Variants in PIPOX observed in about 807,000 individuals in gnomAD.
PIPOX encodes peroxisomal sarcosine oxidase.
Under a neutral mutation model 47.9 loss-of-function variants are expected in PIPOX, and 45 were observed. That is an observed-to-expected ratio of 0.94 (90% CI 0.74 to 1.20). The LOEUF is 1.20. Ranked by LOEUF, PIPOX falls within the 50% of genes most tolerant of loss-of-function variation. PIPOX has a pLI of 0.00. For missense variants in PIPOX, 458 were observed against 498.4 expected (o/e 0.92, Z 0.77); for synonymous variants, 165 against 191.3 (o/e 0.86, Z 1.13).
chr17:29,054,182 CAATAA>C (rs368162265), intron 4 of PIPOX, among the ~76,000 whole-genome samples: 19 of 151,582 alleles, frequency 1.3e-4, no homozygotes, highest in African/African-American at 3.4e-4. Context: ...GACCCTGTCT[CAATAA>C]AATAAAATAA....
intron 3 of PIPOX, 34 bp from the exon 4 acceptor site, chr17:29,053,379 A>T (rs1328795147): frequency 1.0e-5 from 16 of 1,589,496 alleles, no homozygotes; most frequent in Non-Finnish European, 1.4e-5. Context: ...CACATACAGA[A>T]CTAATTCACC....
At position 29,052,881 on chromosome 17, in the gene PIPOX, T is replaced by C. The variant is rs189020520; in HGVS notation, c.264-39T>C. The C allele has an allele frequency of 5.0e-5, 79 of 1,589,422 alleles. 2 individuals carry two copies. In the African/African-American group the frequency reaches 7.1e-4, roughly 14 times the overall value. The stretch of plus-strand genomic sequence containing the variant: ...AGTCGTCACATCAGGCCCAGGATTT[T>C]GAAACACACCTTCACCTAGGTGACT... On this transcript the variant is annotated intron_variant, in intron 2 of 7. Coordinates refer to ENST00000323372, the MANE Select transcript of PIPOX (RefSeq NM_016518.3).
At chr17:29,054,892 T>G (rs1003223783) in intron 5 of PIPOX, among the ~76,000 whole-genome samples, 171 bp from the exon 6 acceptor site, 2 of 152,104 alleles carry the variant, frequency 1.3e-5, no homozygotes, top group African/African-American at 4.8e-5. Context: ...CATAGGGTGG[T>G]TGCAGGGACC....
Position 29,055,143 on chromosome 17 carries a change from G to A in PIPOX, c.888G>A (p.Gln296=). Residue 296 remains glutamine, a synonymous_variant, in exon 6 of 8, where the codon CAG becomes CAA. Transcript: ENST00000323372. The part of the protein sequence containing the change: ...PTARTDIGDV[Q]ILSSFVRDHL... ...CACGCACAGACATCGGAGACGTCCA[G>A]ATCCTGAGCAGCTTTGTCAGAGATC... is the stretch of plus-strand genomic sequence containing the variant. 6.2e-7 allele frequency: 1 copy of A among 1,614,172 alleles called. No individual in the cohort carries two copies. Among genetic ancestry groups the A allele is most frequent in the South Asian group, 1.1e-5 (1 of 91,078 alleles).
intron 7 of PIPOX, 22 bp from the exon 8 acceptor site, chr17:29,056,153 G>A: frequency 6.2e-7 from 1 of 1,613,926 alleles, no homozygotes; most frequent in Non-Finnish European, 8.5e-7. Context: ...AGCTGCCTGA[G>A]AGTCTGCTCT....
intron 2 of PIPOX, among the ~76,000 whole-genome samples, chr17:29,051,011 A>G (rs2065804031): frequency 6.6e-6 from 1 of 150,886 alleles, no homozygotes; most frequent in African/African-American, 2.4e-5. Context: ...AATCTCAGCT[A>G]CTCCAGAGGC....
chr17:29,055,654 T>A (rs1384296502), intron 6 of PIPOX, among the ~76,000 whole-genome samples, 159 bp from the exon 7 acceptor site: 1 of 152,254 alleles, frequency 6.6e-6, no homozygotes, highest in Non-Finnish European at 1.5e-5. Context: ...TGAAAAAGAC[T>A]GGCACACCCA....
chr17:29,052,624 A>G (rs1197835377), intron 2 of PIPOX, among the ~76,000 whole-genome samples: 1 of 152,236 alleles, frequency 6.6e-6, no homozygotes, highest in Non-Finnish European at 1.5e-5. Flanking sequence ...CAGTGGTGCA[A>G]TCATGGCTCA....
At chr17:29,046,737 C>T (rs1401928834) in intron 2 of PIPOX, 1 of 985,428 alleles carries the variant, frequency 1.0e-6, no homozygotes, top group Non-Finnish European at 1.2e-6. Flanking sequence ...CACAATCCTC[C>T]TCTTTGCCAG....
intron 2 of PIPOX, among the ~76,000 whole-genome samples, chr17:29,048,474 G>A (rs191019721): frequency 7.9e-4 from 121 of 152,358 alleles, no homozygotes; most frequent in African/African-American, 2.6e-3. Flanking sequence ...TCTGGGAACA[G>A]ACAATGACAC....
chr17:29,056,089 C>T, intron 7 of PIPOX, 86 bp from the exon 8 acceptor site: 1 of 1,543,762 alleles, frequency 6.5e-7, no homozygotes. Flanking sequence ...GGAGGACAGT[C>T]AGCCCTGTCT....
Position 29,056,336 on chromosome 17 carries a change from A to T in PIPOX, c.*31A>T. 6.2e-7 allele frequency: 1 copy of T among 1,613,654 alleles called. No individual in the cohort carries two copies. Among genetic ancestry groups the T allele is most frequent in the Non-Finnish European group, 8.5e-7 (1 of 1,179,724 alleles). On this transcript the variant is annotated 3_prime_UTR_variant, in exon 8 of 8. Coordinates refer to ENST00000323372, the MANE Select transcript of PIPOX (RefSeq NM_016518.3). ...GGCCAGAAGCCTCCCTTCTGTGCAC[A>T]GGAGCCAGTTTCACAGATGGAGAAG...
chr17:29,054,182 C>CAATAAAATAA (rs368162265), intron 4 of PIPOX, among the ~76,000 whole-genome samples: 35 of 151,584 alleles, frequency 2.3e-4, no homozygotes, highest in African/African-American at 8.0e-4. Flanking sequence ...GACCCTGTCT[C>CAATAAAATAA]AATAAAATAA....
intron 2 of PIPOX, among the ~76,000 whole-genome samples, chr17:29,048,435 A>G (rs1387959680): frequency 6.6e-6 from 1 of 152,246 alleles, no homozygotes. Flanking sequence ...CATACTAAAC[A>G]TGGGTGGGTT....
chr17:29,047,876 A>G (rs1447944570), intron 2 of PIPOX, among the ~76,000 whole-genome samples: 1 of 152,210 alleles, frequency 6.6e-6, no homozygotes, highest in Non-Finnish European at 1.5e-5. Flanking sequence ...ATCCCAGGTC[A>G]AAAGACTGCT....
chr17:29,056,099 T>G, intron 7 of PIPOX, 76 bp from the exon 8 acceptor site: 1 of 1,576,434 alleles, frequency 6.3e-7, no homozygotes, highest in Middle Eastern at 2.0e-4. Flanking sequence ...CAGCCCTGTC[T>G]GGGTAAGTAG....
rs143566431 is a variant in PIPOX at position 29,055,860 on chromosome 17, C to T, written c.1014C>T (p.Asp338=). The change falls in exon 7 of 8, where the codon GAC becomes GAT. Residue 338 remains aspartate (D), a synonymous_variant. Transcript: ENST00000323372. ...TTCTCGATCGCCACCCAAAGTATGA[C>T]AACATTGTCATTGGTGCTGGATTCT... The part of the protein sequence containing the change: ...QFILDRHPKY[D]NIVIGAGFSG... 1.6e-3 allele frequency: 2,594 copies of T among 1,613,914 alleles called. 6 individuals carry two copies. Among genetic ancestry groups the T allele is most frequent in the Non-Finnish European group, 2.0e-3 (2,368 of 1,179,808 alleles).
At position 29,055,872 on chromosome 17, in the gene PIPOX, T is replaced by A. The variant is rs1318884372; in HGVS notation, c.1026T>A (p.Ile342=). The change falls in exon 7 of 8, where the codon ATT becomes ATA. Residue 342 remains isoleucine, a synonymous_variant. Transcript: ENST00000323372. ...ACCCAAAGTATGACAACATTGTCAT[T>A]GGTGCTGGATTCTCTGGTGAGTCTG... ...DRHPKYDNIV[I]GAGFSGHGFK... is the part of the protein sequence containing the mutation. 1.9e-6 allele frequency: 3 copies of A among 1,613,678 alleles called. No individual in the cohort carries two copies. The African/African-American group carries it at 4.0e-5, about 22-fold the overall frequency.
At position 29,056,449 on chromosome 17, in the gene PIPOX, T is replaced by A; in HGVS notation, c.*144T>A. 1.1e-6 allele frequency: 1 copy of A among 909,220 alleles called. No individual in the cohort carries two copies. The highest frequency in any genetic ancestry group is 1.7e-5 in the South Asian group (1 of 58,280). The allele number at this position is 909,220 out of a possible 1,614,324, so 56.3% of individuals were successfully genotyped here. On this transcript the variant is annotated 3_prime_UTR_variant, in exon 8 of 8. Transcript: ENST00000323372. The stretch of plus-strand genomic sequence containing the variant: ...CCCATAAACACCAGATGATTGAGTC[T>A]ACCTTCTTTCCTTGGCCCGCTCCCT...
Sources: allele counts gnomAD v4.1 joint callset (sites outside exome capture counted in the v4.1 genomes callset), GRCh38; gene constraint gnomAD v4.1.1; transcripts MANE v1.5; gene names NCBI Gene and HGNC (gene_info 2026-07-23, HGNC 2026-07-21).